Variants in AGBL4 observed in about 807,000 individuals in gnomAD.
AGBL4 encodes AGBL carboxypeptidase 4.
A neutral mutation model predicts 66.4 loss-of-function variants in AGBL4; 58 were observed. The observed-to-expected ratio is 0.87, with a 90% CI of 0.71 to 1.09. AGBL4 has a LOEUF of 1.09. Ranked by LOEUF, AGBL4 falls within the 50% of genes least tolerant of loss-of-function variation. AGBL4 has a pLI of 0.00. For synonymous variants in AGBL4, 234 were observed against 222.9 expected (o/e 1.05, Z -0.44); for missense variants, 579 against 631.0 (o/e 0.92, Z 0.88).
chr1:49,448,496 A>G (rs1426675632), intron 3 of AGBL4, among the ~76,000 whole-genome samples: 1 of 152,162 alleles, frequency 6.6e-6, no homozygotes, highest in Non-Finnish European at 1.5e-5. Context: ...AGCATGGATA[A>G]CTTGACATCA....
At chr1:49,707,075 C>G (rs1310132693) in intron 2 of AGBL4, among the ~76,000 whole-genome samples, 5 of 152,092 alleles carry the variant, frequency 3.3e-5, no homozygotes, top group African/African-American at 1.2e-4. Context: ...TGGTCCACAG[C>G]TGAGTTCAAG....
In AGBL4 at chr1:49,624,002, A is replaced by AGTGTGT. The variant is rs34356093; in HGVS notation, c.282+73305_282+73310dup. ...ACTTCATATAGTTTTGATGAGAGAG[A>AGTGTGT]GTGTGTGTGTGTGTGTGTGTGTGTG... On this transcript the variant is annotated intron_variant, in intron 3 of 13. Transcript: ENST00000371839. Among the ~76,000 whole-genome samples the AGTGTGT allele has an allele frequency of 2.0e-3, 295 of 149,436 alleles. 1 individual carries two copies. Among genetic ancestry groups the AGTGTGT allele is most frequent in the African/African-American group, 6.5e-3 (262 of 40,366 alleles).
chr1:49,003,278 A>C (rs1010885664), intron 5 of AGBL4, among the ~76,000 whole-genome samples: 1 of 152,006 alleles, frequency 6.6e-6, no homozygotes, highest in Non-Finnish European at 1.5e-5. Context: ...CATGCCTGTA[A>C]TCCTAGCTAC....
chr1:49,777,766 T>TTA (rs1436463819), intron 2 of AGBL4, among the ~76,000 whole-genome samples: 2 of 152,200 alleles, frequency 1.3e-5, no homozygotes, highest in Non-Finnish European at 2.9e-5. Flanking sequence ...ATTCCGGGAA[T>TTA]GGTGGTATGT....
intron 2 of AGBL4, among the ~76,000 whole-genome samples, chr1:49,703,797 G>T (rs1333934974): frequency 6.6e-6 from 1 of 151,906 alleles, no homozygotes; most frequent in Non-Finnish European, 1.5e-5. Flanking sequence ...TTACAGATGA[G>T]AGTGTTATTT....
At chr1:49,582,687 T>A (rs1235284104) in intron 3 of AGBL4, among the ~76,000 whole-genome samples, 1 of 152,202 alleles carries the variant, frequency 6.6e-6, no homozygotes, top group Non-Finnish European at 1.5e-5. Context: ...TAGGAGCTAG[T>A]ATTGAGAGTA....
intron 6 of AGBL4, among the ~76,000 whole-genome samples, chr1:48,833,097 C>T (rs114761084): frequency 0.037 from 5,558 of 152,216 alleles, 332 homozygotes; most frequent in African/African-American, 0.12. Flanking sequence ...CTACAGAACC[C>T]TAAGTAGTGC....
rs536215960 is a variant in AGBL4, at chr1:48,927,898, T to A, written c.595-60668A>T. ...TGTGTCTGCCCTTTAACCACTAAGA[T>A]GCCTAATATGCCTTTCTTATGTGGC... On this transcript the variant is annotated intron_variant, in intron 5 of 13. Transcript: ENST00000371839. Among the ~76,000 whole-genome samples, 232 of 152,316 alleles carry A rather than the reference T, an allele frequency of 1.5e-3. 1 individual carries two copies. Among genetic ancestry groups the A allele is most frequent in the African/African-American group, 5.3e-3 (219 of 41,584 alleles).
chr1:48,943,850 T>C (rs1656227073), intron 5 of AGBL4, among the ~76,000 whole-genome samples: 1 of 152,054 alleles, frequency 6.6e-6, no homozygotes, highest in Non-Finnish European at 1.5e-5. Flanking sequence ...CACGTGTGCG[T>C]GGTGTGGTAT....
chr1:49,516,865 T>C (rs189528602), intron 3 of AGBL4, among the ~76,000 whole-genome samples: 1 of 152,224 alleles, frequency 6.6e-6, no homozygotes, highest in Admixed American at 6.5e-5. Flanking sequence ...ACATGTCAAG[T>C]AGACAGACAT....
intron 4 of AGBL4, chr1:49,174,698 G>A (rs1260911343): frequency 6.6e-6 from 1 of 152,084 alleles, no homozygotes; most frequent in Non-Finnish European, 1.5e-5. Flanking sequence ...TTGACTGACT[G>A]AATTCTCTAT....
chr1:49,833,329 C>T (rs1385178759), intron 2 of AGBL4, among the ~76,000 whole-genome samples: 1 of 150,948 alleles, frequency 6.6e-6, no homozygotes, highest in African/African-American at 2.4e-5. Context: ...TTTCTGAGGG[C>T]TCTGTTCTGT....
chr1:49,365,806 T>C (rs1023689096), intron 3 of AGBL4, among the ~76,000 whole-genome samples: 3 of 152,114 alleles, frequency 2.0e-5, no homozygotes, highest in Non-Finnish European at 2.9e-5. Context: ...AGAAGAAAAG[T>C]TGGCCTCAGA....
rs1389657517 is a variant in AGBL4 at position 48,756,380 on chromosome 1, TG to T, written c.635-93140del. Among the ~76,000 whole-genome samples the T allele has an allele frequency of 1.3e-5, 2 of 152,316 alleles. 1 individual carries two copies. Among genetic ancestry groups the T allele is most frequent in the East Asian group, 3.9e-4 (2 of 5,182 alleles). The stretch of plus-strand genomic sequence containing the variant: ...CTATGATGGCATTTATGTACTGTGC[TG>T]TCATTGATTGTTTCAGGATCTGTTC... On this transcript the variant is annotated intron_variant, in intron 6 of 13. Coordinates refer to ENST00000371839, the MANE Select transcript of AGBL4 (RefSeq NM_032785.4).
At chr1:49,880,816 C>T (rs1189348961) in intron 1 of AGBL4, among the ~76,000 whole-genome samples, 1 of 151,678 alleles carries the variant, frequency 6.6e-6, no homozygotes, top group African/African-American at 2.4e-5. Context: ...AGCGAGATTC[C>T]GTGGGCGTAG....
At chr1:49,998,693 T>C (rs781316914) in intron 1 of AGBL4, among the ~76,000 whole-genome samples, 3 of 152,146 alleles carry the variant, frequency 2.0e-5, no homozygotes, top group Non-Finnish European at 4.4e-5. Flanking sequence ...AATAAAATAC[T>C]AGCTAACTGA....
At chr1:48,788,750 G>T (rs189225866) in intron 6 of AGBL4, among the ~76,000 whole-genome samples, 101 of 152,260 alleles carry the variant, frequency 6.6e-4, no homozygotes, top group Non-Finnish European at 1.3e-4. Flanking sequence ...ACTCCTTTAA[G>T]ACTGTCTTAT....
intron 3 of AGBL4, among the ~76,000 whole-genome samples, chr1:49,361,419 G>T (rs1168500031): frequency 6.6e-6 from 1 of 152,036 alleles, no homozygotes; most frequent in Non-Finnish European, 1.5e-5. Flanking sequence ...TCCGCCTCCT[G>T]GTTCAAGCAA....
chr1:49,783,758 AG>A (rs1202306484), intron 2 of AGBL4, among the ~76,000 whole-genome samples: 1 of 152,124 alleles, frequency 6.6e-6, no homozygotes, highest in Non-Finnish European at 1.5e-5. Context: ...AAAATCCTAA[AG>A]AATCCAATAA....
Sources: allele counts gnomAD v4.1 joint callset (sites outside exome capture counted in the v4.1 genomes callset), GRCh38; gene constraint gnomAD v4.1.1; transcripts MANE v1.5; gene names NCBI Gene and HGNC (gene_info 2026-07-23, HGNC 2026-07-21).